ATP2C2: variants seen among roughly 807,000 people sequenced by gnomAD.
The protein encoded by ATP2C2 is calcium-transporting ATPase type 2C member 2.
In ATP2C2, 171 loss-of-function variants were observed where a neutral mutation model predicts 110.8. The ratio of observed to expected loss-of-function variants is 1.54; its 90% CI spans 1.36 to 1.75. The LOEUF (loss-of-function observed/expected upper bound fraction) is 1.75, where lower values mean the gene tolerates loss of function less well. ATP2C2 is among the 40% of genes most tolerant of loss of function. ATP2C2 has a pLI of 0.00. For missense variants in ATP2C2, 1,963 were observed against 1,235.0 expected (o/e 1.59, Z -8.84); for synonymous variants, 804 against 508.4 (o/e 1.58, Z -7.82).
chr16:84,448,457 G>C, intron 16 of ATP2C2, 76 bp from the exon 17 acceptor site: 1 of 1,496,702 alleles, frequency 6.7e-7, no homozygotes, highest in Non-Finnish European at 9.0e-7. Context: ...TTGTAACCTT[G>C]TGCAGAGTGG....
intron 10 of ATP2C2, among the ~76,000 whole-genome samples, chr16:84,424,507 G>A (rs1346065155): frequency 3.3e-5 from 5 of 151,040 alleles, no homozygotes; most frequent in Non-Finnish European, 7.4e-5. Flanking sequence ...CAAACTCCTG[G>A]TCTCAAGTGA....
chr16:84,462,947 A>C (rs1310117505), intron 26 of ATP2C2: 3 of 153,632 alleles, frequency 2.0e-5, no homozygotes, highest in Non-Finnish European at 4.3e-5. Context: ...GGGATGGTCA[A>C]CTCTGCCTTG....
chr16:84,397,043 C>T (rs556338869), intron 1 of ATP2C2, among the ~76,000 whole-genome samples: 1 of 151,902 alleles, frequency 6.6e-6, no homozygotes, highest in African/African-American at 2.4e-5. Flanking sequence ...ACCTCTCCTG[C>T]TTCCTTTTTC....
Position 84,386,554 on chromosome 16 carries a change from A to C in ATP2C2, c.100-11945A>C, listed in dbSNP as rs117008391. On this transcript the variant is annotated intron_variant, in intron 1 of 26. Transcript: ENST00000262429. ...CACTGGCCACCCTTGAGCAAGGTTC[A>C]TGCTCCAAGTATCTCACTTTGTCCT... 1.1e-4 allele frequency among the ~76,000 whole-genome samples: 16 copies of C among 152,298 alleles called. No individual in the cohort carries two copies. In the East Asian group the frequency reaches 3.1e-3, roughly 29 times the overall value.
chr16:84,405,118 C>G lies in ATP2C2; in HGVS notation c.211-10C>G. 2.5e-6 allele frequency: 4 copies of G among 1,612,550 alleles called. No individual in the cohort carries two copies. The highest frequency in any genetic ancestry group is 3.4e-6 in the Non-Finnish European group (4 of 1,178,848). ...CCATGAGTGAGCTTGTGCCTGACCT[C>G]TCCTTCCAGGTGGACTTACACACTG... On this transcript the variant is annotated splice_polypyrimidine_tract_variant and intron_variant, in intron 2 of 26. Coordinates refer to ENST00000262429, the MANE Select transcript of ATP2C2 (RefSeq NM_014861.4).
chr16:84,397,670 A>AAAAAAAAAAAAAAAAAAAAC (rs1555553736), intron 1 of ATP2C2, among the ~76,000 whole-genome samples: 13 of 145,896 alleles, frequency 8.9e-5, no homozygotes, highest in Non-Finnish European at 1.7e-4. Flanking sequence ...AAAAAAAAAA[A>AAAAAAAAAAAAAAAAAAAAC]AAACTTGCTT....
At position 84,450,352 on chromosome 16, in the gene ATP2C2, TAGAG is replaced by T. The variant is rs147610683; in HGVS notation, c.1661-1566_1661-1563del. ...GGCCTGGGACAGTGCCCGAGTGACT[TAGAG>T]AGGCCCCCAACCTGCTAGATCCCCT... is the stretch of plus-strand genomic sequence containing the variant. On this transcript the variant is annotated intron_variant, in intron 17 of 26. Transcript: ENST00000262429. 6.0e-3 allele frequency among the ~76,000 whole-genome samples: 918 copies of T among 152,128 alleles called. 4 individuals are homozygous for T. The highest frequency in any genetic ancestry group is 1.0e-2 in the Non-Finnish European group (678 of 67,984).
intron 23 of ATP2C2, 105 bp downstream of exon 23, chr16:84,459,491 G>C: frequency 6.3e-7 from 1 of 1,590,714 alleles, no homozygotes; most frequent in Non-Finnish European, 8.5e-7. Flanking sequence ...AACAAATACA[G>C]CCACTTTCCA....
chr16:84,406,554 A>C (rs1597778064), intron 3 of ATP2C2: 1 of 977,842 alleles, frequency 1.0e-6, no homozygotes, highest in African/African-American at 1.8e-5. Flanking sequence ...CTCTGTCTCC[A>C]CTCTCCTTGA....
chr16:84,463,186 TGGGAATTCATCCCAGGGAACATGTC>T (rs1311592379), intron 26 of ATP2C2, among the ~76,000 whole-genome samples: 6 of 16,452 alleles, frequency 3.6e-4, no homozygotes, highest in East Asian at 0.015. Flanking sequence ...AGGGAGACGC[TGGGAATTCATCCCAGGGAACATGTC>T]GCTGGGAATT....
intron 16 of ATP2C2, among the ~76,000 whole-genome samples, chr16:84,448,132 C>T (rs933822384): frequency 2.0e-5 from 3 of 151,996 alleles, no homozygotes; most frequent in Admixed American, 6.6e-5. Context: ...GGGGTGGGTA[C>T]AAAATAGACT....
At chr16:84,387,926 A>ATTTT (rs34113848) in intron 1 of ATP2C2, among the ~76,000 whole-genome samples, 1 of 145,230 alleles carries the variant, frequency 6.9e-6, no homozygotes, top group African/African-American at 2.5e-5. Flanking sequence ...TCCCATGCCT[A>ATTTT]TTTTTTTTTT....
Position 84,453,387 on chromosome 16 carries a change from C to A in ATP2C2, c.1980+16C>A. 1 of 1,614,114 alleles carries A rather than the reference C, an allele frequency of 6.2e-7. No homozygotes were observed. ...AATCATCAAGGTTCGCTGGGCAAGG[C>A]AGGCACAGGCTGCGCTGCTGGGGCC... On this transcript the variant is annotated intron_variant, in intron 20 of 26. Coordinates refer to ENST00000262429, the MANE Select transcript of ATP2C2 (RefSeq NM_014861.4).
intron 1 of ATP2C2, among the ~76,000 whole-genome samples, chr16:84,388,453 C>A (rs1277636751): frequency 6.6e-6 from 1 of 152,184 alleles, no homozygotes; most frequent in Non-Finnish European, 1.5e-5. Context: ...CAGGGTAGGG[C>A]CTGAGTTTCT....
chr16:84,370,351 C>T (rs986355371), intron 1 of ATP2C2, among the ~76,000 whole-genome samples: 14 of 152,182 alleles, frequency 9.2e-5, no homozygotes, highest in African/African-American at 3.1e-4. Flanking sequence ...CAGTGTGCAG[C>T]GCCAGGAGGC....
At chr16:84,426,199 G>A (rs12927279) in intron 11 of ATP2C2, 31,867 of 206,694 alleles carry the variant, frequency 0.15, 2,894 homozygotes, top group South Asian at 0.25. Context: ...GAAGGGGAAG[G>A]GGGAGCAGGC....
At chr16:84,460,934 G>A (rs1911264079) in intron 24 of ATP2C2, 133 bp downstream of exon 24, 1 of 1,279,830 alleles carries the variant, frequency 7.8e-7, no homozygotes, top group Admixed American at 2.6e-5. Flanking sequence ...ACAATGTGAT[G>A]CCATCAGAGG....
At chr16:84,441,303 G>C (rs567676507) in intron 14 of ATP2C2, among the ~76,000 whole-genome samples, 1 of 152,136 alleles carries the variant, frequency 6.6e-6, no homozygotes, top group Non-Finnish European at 1.5e-5. Context: ...AAAAAGAAGA[G>C]CTAGAAGCCT....
At chr16:84,435,826 CAAAA>C (rs57536104) in intron 11 of ATP2C2, among the ~76,000 whole-genome samples, 4 of 149,784 alleles carry the variant, frequency 2.7e-5, no homozygotes, top group African/African-American at 9.9e-5. Flanking sequence ...GAACCTGCCT[CAAAA>C]AAAAAAATAA....
Sources: gnomAD v4.1 joint callset for allele counts (sites outside exome capture counted in the v4.1 genomes callset) on GRCh38, gnomAD v4.1.1 for gene constraint, MANE v1.5 for transcripts, NCBI Gene and HGNC (gene_info 2026-07-23, HGNC 2026-07-21) for gene names.